Variants in ZCWPW2 observed in about 807,000 individuals in gnomAD.
ZCWPW2 encodes the protein zinc finger CW-type and PWWP domain containing 2.
A neutral mutation model predicts 46.6 loss-of-function variants in ZCWPW2; 45 were observed. The ratio of observed to expected loss-of-function variants is 0.96; its 90% CI spans 0.76 to 1.24. ZCWPW2 has a LOEUF of 1.24. ZCWPW2 is among the 50% of genes most tolerant of loss of function. The pLI is 0.00. For synonymous variants in ZCWPW2, 152 were observed against 137.1 expected (o/e 1.11, Z -0.76); for missense variants, 429 against 403.9 (o/e 1.06, Z -0.53).
chr3:28,432,824 TG>T (rs1184641419), intron 3 of ZCWPW2, among the ~76,000 whole-genome samples: 4 of 152,200 alleles, frequency 2.6e-5, no homozygotes, highest in East Asian at 1.9e-4. Context: ...ATTATCTGAA[TG>T]AAAAAAATAG....
chr3:28,401,305 C>T (rs1695922208), intron 2 of ZCWPW2, among the ~76,000 whole-genome samples: 1 of 152,162 alleles, frequency 6.6e-6, no homozygotes, highest in South Asian at 2.1e-4. Context: ...GGCCTAAATG[C>T]TCCACTTAAG....
At chr3:28,450,643 C>T (rs1698189896) in intron 4 of ZCWPW2, among the ~76,000 whole-genome samples, 1 of 152,038 alleles carries the variant, frequency 6.6e-6, no homozygotes, top group South Asian at 2.1e-4. Context: ...AAAAATGTAG[C>T]TTGTCTTATC....
chr3:28,510,458 A>G (rs1452871204), intron 6 of ZCWPW2, among the ~76,000 whole-genome samples: 1 of 151,872 alleles, frequency 6.6e-6, no homozygotes, highest in Non-Finnish European at 1.5e-5. Context: ...CTCCATTACC[A>G]ATTTGTCTTT....
intron 4 of ZCWPW2, among the ~76,000 whole-genome samples, chr3:28,438,104 C>A (rs1356010187): frequency 6.6e-6 from 1 of 152,192 alleles, no homozygotes; most frequent in Non-Finnish European, 1.5e-5. Context: ...TTGCACATAG[C>A]TTACAGGAGC....
rs138541149 is a variant in ZCWPW2, at chr3:28,450,514, T to C, written c.492+15245T>C. ...TATAATTTTTCTTGGGCATAAATAA[T>C]GTATTCCTATTAGCAGTATAGTACA... On this transcript the variant is annotated intron_variant, in intron 4 of 9. Transcript: ENST00000383768. Among the ~76,000 whole-genome samples, 246 of 152,362 alleles carry C rather than the reference T, an allele frequency of 1.6e-3. 3 individuals are homozygous for C. The highest frequency in any genetic ancestry group is 5.5e-3 in the African/African-American group (230 of 41,590).
At chr3:28,425,547 T>C (rs1696971127) in intron 3 of ZCWPW2, among the ~76,000 whole-genome samples, 2 of 152,198 alleles carry the variant, frequency 1.3e-5, no homozygotes, top group Non-Finnish European at 2.9e-5. Context: ...CTTTAGCCCA[T>C]GGCCTTACAT....
intron 1 of ZCWPW2, among the ~76,000 whole-genome samples, chr3:28,359,600 G>T (rs898207928): frequency 6.6e-6 from 1 of 151,984 alleles, no homozygotes; most frequent in Non-Finnish European, 1.5e-5. Context: ...ATATAAATTA[G>T]CAACAAAAAA....
At chr3:28,404,110 G>C (rs1040793715) in intron 2 of ZCWPW2, among the ~76,000 whole-genome samples, 1 of 150,888 alleles carries the variant, frequency 6.6e-6, no homozygotes, top group Non-Finnish European at 1.5e-5. Flanking sequence ...CCAGAGAGTG[G>C]AAAAAAATTC....
chr3:28,427,537 T>G (rs573841338), intron 3 of ZCWPW2, among the ~76,000 whole-genome samples: 2 of 152,334 alleles, frequency 1.3e-5, no homozygotes, highest in South Asian at 4.1e-4. Context: ...TTTCACAATT[T>G]GTCTTTAGAT....
intron 4 of ZCWPW2, among the ~76,000 whole-genome samples, chr3:28,473,769 G>A (rs1699124620): frequency 6.6e-6 from 1 of 152,156 alleles, no homozygotes; most frequent in African/African-American, 2.4e-5. Context: ...AGTGAAATAA[G>A]CACAGAAAGA....
Position 28,413,166 on chromosome 3 carries a change from G to A in ZCWPW2, c.98G>A (p.Cys33Tyr). Reference protein sequence around the residue: ...NMYVNKVWVQCENENCLKWRL... With the variant: ...NMYVNKVWVQYENENCLKWRL... Reference sequence around the variant, plus strand: ...TATGTAAACAAAGTGTGGGTTCAATGTGAGAATGAAAATTGTTTGAAATGG... The same window carrying A: ...TATGTAAACAAAGTGTGGGTTCAATATGAGAATGAAAATTGTTTGAAATGG... The change falls in exon 3 of 10, where the codon TGT becomes TAT. Residue 33 changes from cysteine to tyrosine, a missense_variant. Physicochemically the swap from Cys to Tyr is radical, Grantham distance 194. Coordinates refer to ENST00000383768, the MANE Select transcript of ZCWPW2 (RefSeq NM_001040432.4). 5 of 1,613,318 alleles carry A rather than the reference G, an allele frequency of 3.1e-6. No individual in the cohort carries two copies. The highest frequency in any genetic ancestry group is 4.2e-6 in the Non-Finnish European group (5 of 1,179,516).
intron 8 of ZCWPW2, among the ~76,000 whole-genome samples, chr3:28,518,693 A>T (rs1395446078): frequency 6.6e-6 from 1 of 152,244 alleles, no homozygotes; most frequent in Non-Finnish European, 1.5e-5. Flanking sequence ...TTTTAGCCTG[A>T]CATTAGAAAT....
rs147608143 is a variant in ZCWPW2, at chr3:28,448,654, G to A, written c.492+13385G>A. ...ACAAAAATTAGCCAGGCATGTTGGC[G>A]CATGCCTATAATACGAGCTACCCGA... On this transcript the variant is annotated intron_variant, in intron 4 of 9. Coordinates refer to ENST00000383768, the MANE Select transcript of ZCWPW2 (RefSeq NM_001040432.4). Among the ~76,000 whole-genome samples, 40 of 151,448 alleles carry A rather than the reference G, an allele frequency of 2.6e-4. No individual in the cohort carries two copies. The East Asian group carries it at 6.1e-3, about 23-fold the overall frequency.
At chr3:28,424,632 T>C (rs921905895) in intron 3 of ZCWPW2, among the ~76,000 whole-genome samples, 1 of 152,132 alleles carries the variant, frequency 6.6e-6, no homozygotes, top group Non-Finnish European at 1.5e-5. Flanking sequence ...CCCCCACAAC[T>C]ATGAAAAAAT....
At chr3:28,387,787 G>A (rs769174314) in intron 1 of ZCWPW2, among the ~76,000 whole-genome samples, 23 of 152,064 alleles carry the variant, frequency 1.5e-4, no homozygotes, top group Middle Eastern at 3.2e-3. Context: ...CTTTTTTGGC[G>A]CTCTGGAATG....
chr3:28,459,883 A>G (rs1325096214), intron 4 of ZCWPW2, among the ~76,000 whole-genome samples: 1 of 152,210 alleles, frequency 6.6e-6, no homozygotes, highest in Non-Finnish European at 1.5e-5. Context: ...TATTCCTTCT[A>G]GATAGGAAAA....
At chr3:28,350,780 T>A (rs1225939458) in intron 1 of ZCWPW2, among the ~76,000 whole-genome samples, 1 of 151,838 alleles carries the variant, frequency 6.6e-6, no homozygotes, top group Non-Finnish European at 1.5e-5. Context: ...CTCTGATAAG[T>A]TAATTAAAAG....
At chr3:28,500,196 A>T (rs1419439022) in intron 6 of ZCWPW2, among the ~76,000 whole-genome samples, 3 of 152,042 alleles carry the variant, frequency 2.0e-5, no homozygotes, top group Admixed American at 2.0e-4. Flanking sequence ...ATTGACAGGT[A>T]TTAGTATAAT....
chr3:28,519,230 T>G (rs1700656078), intron 8 of ZCWPW2, among the ~76,000 whole-genome samples: 1 of 152,220 alleles, frequency 6.6e-6, no homozygotes. Flanking sequence ...AAAGCTTGTT[T>G]CAAACTATTT....
Sources: allele counts gnomAD v4.1 joint callset (sites outside exome capture counted in the v4.1 genomes callset), GRCh38; gene constraint gnomAD v4.1.1; transcripts MANE v1.5; gene names NCBI Gene and HGNC (gene_info 2026-07-23, HGNC 2026-07-21).